LONP1: variants seen among roughly 807,000 people sequenced by gnomAD.
LONP1 encodes the protein lon peptidase 1, mitochondrial.
In LONP1, 31 loss-of-function variants were observed where a neutral mutation model predicts 98.5. The ratio of observed to expected loss-of-function variants is 0.31; its 90% CI spans 0.24 to 0.42. The LOEUF (loss-of-function observed/expected upper bound fraction) is 0.42. LONP1 is among the 20% of genes least tolerant of loss of function. The pLI, the probability that LONP1 is intolerant of heterozygous loss-of-function variation, is 1.00. For missense variants in LONP1, 1,336 were observed against 1,350.6 expected (o/e 0.99, Z 0.17); for synonymous variants, 781 against 594.7 (o/e 1.31, Z -4.56).
intron 8 of LONP1, 26 bp from the exon 9 acceptor site, chr19:5,700,953 C>A: frequency 6.2e-7 from 1 of 1,613,472 alleles, no homozygotes; most frequent in South Asian, 1.1e-5. Context: ...TGGAGAGATG[C>A]TGAGTGGAGC....
At chr19:5,692,286 G>A in intron 17 of LONP1, 78 bp from the exon 18 acceptor site, 6 of 1,404,602 alleles carry the variant, frequency 4.3e-6, no homozygotes, top group Middle Eastern at 1.9e-4. Flanking sequence ...GAACGAAAGG[G>A]CTTCCTGGGG....
rs755027536 is a variant in LONP1, at chr19:5,699,219, C to T, written c.1507-14G>A. On this transcript the variant is annotated splice_polypyrimidine_tract_variant and intron_variant, in intron 9 of 17. Coordinates refer to ENST00000360614, the MANE Select transcript of LONP1 (RefSeq NM_004793.4). ...GGCAATGAACTCCTGCAGACAGAGG[C>T]AGGTTCAGTGGGCACGTGAGCTGGG... The T allele has an allele frequency of 6.7e-7, 1 of 1,486,370 alleles. No individual in the cohort carries two copies. Among genetic ancestry groups the T allele is most frequent in the Non-Finnish European group, 9.0e-7 (1 of 1,112,902 alleles). The allele number at this position is 1,486,370 out of a possible 1,614,324, so 92.1% of individuals were successfully genotyped here. A position where few individuals can be genotyped will look rare whatever the true frequency, so the allele number is the denominator to read the frequency against.
At chr19:5,698,761 G>C (rs565850853) in intron 10 of LONP1, among the ~76,000 whole-genome samples, 1 of 152,202 alleles carries the variant, frequency 6.6e-6, no homozygotes, top group Admixed American at 6.5e-5. Context: ...TGGAACTACC[G>C]GGGGTGTCTG....
chr19:5,700,463 C>G (rs1415200402), intron 9 of LONP1, among the ~76,000 whole-genome samples: 1 of 152,148 alleles, frequency 6.6e-6, no homozygotes, highest in South Asian at 2.1e-4. Context: ...GTCACCCAAC[C>G]TGATGTGCAG....
At position 5,696,180 on chromosome 19, in the gene LONP1, G is replaced by A. The variant is rs1308030829; in HGVS notation, c.1897-10C>T. On this transcript the variant is annotated splice_polypyrimidine_tract_variant and intron_variant, in intron 12 of 17. Transcript: ENST00000360614. ...TGCAGATGAACAGCACCTGGGGGCGGCGGCAAGGTGCTGGGGGACTGGCCG... is the reference window on the plus strand; with the variant it reads ...TGCAGATGAACAGCACCTGGGGGCGACGGCAAGGTGCTGGGGGACTGGCCG... 5 of 1,612,760 alleles carry A rather than the reference G, an allele frequency of 3.1e-6. No homozygotes were observed. The highest frequency in any genetic ancestry group is 4.2e-6 in the Non-Finnish European group (5 of 1,179,876).
intron 1 of LONP1, among the ~76,000 whole-genome samples, chr19:5,715,452 GC>G (rs1382088600): frequency 2.0e-5 from 3 of 150,484 alleles, no homozygotes; most frequent in African/African-American, 7.3e-5. Flanking sequence ...GACCATCCTG[GC>G]TAACACGGTG....
chr19:5,696,416 C>T, intron 11 of LONP1, 45 bp from the exon 12 acceptor site: 1 of 1,597,462 alleles, frequency 6.3e-7, no homozygotes, highest in Non-Finnish European at 8.5e-7. Context: ...GTGCCCCTGG[C>T]CAGCCCGCCC....
chr19:5,720,186 AACGCACGTG>A, upstream of LONP1: 1 of 1,383,966 alleles, frequency 7.2e-7, no homozygotes, highest in Non-Finnish European at 9.3e-7. Flanking sequence ...CTCGCCGCGA[AACGCACGTG>A]ACGCCCGGCG....
rs1181808571 is a variant in LONP1, at chr19:5,702,353, T to TG, written c.1368-1427dup. On this transcript the variant is annotated intron_variant, in intron 8 of 17. Transcript: ENST00000360614. ...CCAGCCGCCCCGTCCGGGAGGGAGGTGGGGGGGTCAGCCCCCCGCCCGGCC... is the reference window on the plus strand; with the variant it reads ...CCAGCCGCCCCGTCCGGGAGGGAGGTGGGGGGGGTCAGCCCCCCGCCCGGCC... Among the ~76,000 whole-genome samples, 629 of 123,076 alleles carry TG rather than the reference T, an allele frequency of 5.1e-3. 3 individuals are homozygous for TG. Among genetic ancestry groups the TG allele is most frequent in the African/African-American group, 7.9e-3 (247 of 31,278 alleles). The allele number at this position is 123,076 out of a possible 152,430, so 80.7% of individuals were successfully genotyped here. A position where few individuals can be genotyped will look rare whatever the true frequency, so the allele number is the denominator to read the frequency against.
rs1438391606 is a variant in LONP1, at chr19:5,705,840, G to A, written c.1299C>T (p.His433=). The A allele has an allele frequency of 2.5e-6, 4 of 1,614,170 alleles. No individual in the cohort carries two copies. Among genetic ancestry groups the A allele is most frequent in the Non-Finnish European group, 3.4e-6 (4 of 1,180,048 alleles). Residue 433 remains histidine (H), a synonymous_variant, in exon 8 of 18, where the codon CAC becomes CAT. Coordinates refer to ENST00000360614, the MANE Select transcript of LONP1 (RefSeq NM_004793.4). ...GCTCCTCGTCCACAACATCCATGACGTGCTTGGGGACCACGAGCTCCTTCA... is the reference window on the plus strand; with the variant it reads ...GCTCCTCGTCCACAACATCCATGACATGCTTGGGGACCACGAGCTCCTTCA... The part of the protein sequence containing the change: ...ERLKELVVPK[H]VMDVVDEELS...
At chr19:5,703,544 G>A (rs139585413) in intron 8 of LONP1, among the ~76,000 whole-genome samples, 56 of 152,140 alleles carry the variant, frequency 3.7e-4, no homozygotes, top group African/African-American at 1.3e-3. Context: ...TTGGGGAAGA[G>A]GATGAAGAGG....
chr19:5,703,830 G>A lies in LONP1; in HGVS notation c.1367+1942C>T, dbSNP rs186206169. Among the ~76,000 whole-genome samples, 3 of 152,246 alleles carry A rather than the reference G, an allele frequency of 2.0e-5. No individual in the cohort carries two copies. In the East Asian group the frequency reaches 5.8e-4, roughly 29 times the overall value. On this transcript the variant is annotated intron_variant, in intron 8 of 17. Coordinates refer to ENST00000360614, the MANE Select transcript of LONP1 (RefSeq NM_004793.4). Reference sequence around the variant, plus strand: ...TCCCCCGTGACTTCCCAGGACCTGAGGACAGAACCCGCCTTACAGACCCCC... The same window carrying A: ...TCCCCCGTGACTTCCCAGGACCTGAAGACAGAACCCGCCTTACAGACCCCC...
upstream of LONP1, chr19:5,720,435 C>A (rs2055427734): frequency 1.4e-5 from 8 of 583,240 alleles, no homozygotes; most frequent in Non-Finnish European, 2.4e-5. Flanking sequence ...AACTCATGAG[C>A]AGCCTGTGCA....
chr19:5,694,296 G>A lies in LONP1; in HGVS notation c.2320+91C>T, dbSNP rs555876528. ...CCAGAGGCCGTTCAGAGCCACCTGA[G>A]GCCCACTGCACAGGTGTACAAGGTG... On this transcript the variant is annotated intron_variant, in intron 15 of 17. Transcript: ENST00000360614. The A allele has an allele frequency of 1.0e-5, 16 of 1,527,526 alleles. No homozygotes were observed. The South Asian group carries it at 1.6e-4, about 15-fold the overall frequency. 94.6% of individuals were successfully genotyped at this position (1,527,526 alleles called of 1,614,324 possible). A position where few individuals can be genotyped will look rare whatever the true frequency, so the allele number is the denominator to read the frequency against.
chr19:5,692,506 C>A (rs2054844794), intron 17 of LONP1, among the ~76,000 whole-genome samples: 1 of 152,156 alleles, frequency 6.6e-6, no homozygotes, highest in African/African-American at 2.4e-5. Context: ...GAGCCACACA[C>A]CCACGGCCTC....
At chr19:5,718,304 C>G (rs1183245668) in intron 1 of LONP1, among the ~76,000 whole-genome samples, 1 of 151,964 alleles carries the variant, frequency 6.6e-6, no homozygotes, top group Admixed American at 6.6e-5. Flanking sequence ...ATGGTGAAAC[C>G]CTGTCTCTTC....
chr19:5,710,846 T>G (rs2055225508), intron 4 of LONP1, among the ~76,000 whole-genome samples: 1 of 151,926 alleles, frequency 6.6e-6, no homozygotes, highest in African/African-American at 2.4e-5. Flanking sequence ...GCCAACATGG[T>G]AAAACCTCGT....
In LONP1 at chr19:5,692,058, C is replaced by T; in HGVS notation, c.2854G>A (p.Ala952Thr). 6.2e-7 allele frequency: 1 copy of T among 1,613,738 alleles called. No homozygotes were observed. Among genetic ancestry groups the T allele is most frequent in the South Asian group, 1.1e-5 (1 of 91,068 alleles). Residue 952 changes from alanine to threonine, a missense_variant, in exon 18 of 18, where the codon GCA becomes ACA. By Grantham distance (58) the Ala-to-Thr change is moderately conservative. This residue lies in a region of LONP1 where 555 missense variants were observed against 542.6 expected (regional missense o/e 1.02). Coordinates refer to ENST00000360614, the MANE Select transcript of LONP1 (RefSeq NM_004793.4). ...IFDIAFPDEQ[A>T]EALAVER ...CACCGTTCCACGGCCAGCGCCTCTG[C>T]CTGCTCGTCCGGGAAGGCGATGTCG...
Position 5,696,373 on chromosome 19 carries a change from TG to T in LONP1, c.1774-3del, listed in dbSNP as rs1466770534. On this transcript the variant is annotated splice_region_variant and splice_polypyrimidine_tract_variant and intron_variant, in intron 11 of 17. Transcript: ENST00000360614. ...GTAGCCTCGGCCGATCTTGTCCACCTGGGGCAGCAGACAGCAGGTGGTGCCC... is the reference window on the plus strand; with the variant it reads ...GTAGCCTCGGCCGATCTTGTCCACCTGGGCAGCAGACAGCAGGTGGTGCCC... 6.2e-7 allele frequency: 1 copy of T among 1,612,458 alleles called. No individual in the cohort carries two copies. Among genetic ancestry groups the T allele is most frequent in the Admixed American group, 1.7e-5 (1 of 59,998 alleles).
Sources: gnomAD v4.1 joint callset for allele counts (sites outside exome capture counted in the v4.1 genomes callset) on GRCh38, gnomAD v4.1.1 for gene constraint, gnomAD v4.1.1 regional missense constraint, MANE v1.5 for transcripts, NCBI Gene and HGNC (gene_info 2026-07-23, HGNC 2026-07-21) for gene names.